The following NXPH1 variants were observed in gnomAD, a reference collection of about 807,000 sequenced individuals.
NXPH1 encodes neurexophilin 1.
In NXPH1, 5 loss-of-function variants were observed where a neutral mutation model predicts 23.7. The ratio of observed to expected loss-of-function variants is 0.21; its 90% CI spans 0.11 to 0.44. The LOEUF (loss-of-function observed/expected upper bound fraction) is 0.44, where lower values mean the gene tolerates loss of function less well. NXPH1 is among the 20% of genes least tolerant of loss of function. The pLI, the probability that NXPH1 is intolerant of heterozygous loss-of-function variation, is 0.99. For synonymous variants in NXPH1, 144 were observed against 122.2 expected (o/e 1.18, Z -1.18); for missense variants, 324 against 321.6 (o/e 1.01, Z -0.06).
intron 2 of NXPH1, among the ~76,000 whole-genome samples, chr7:8,485,109 G>C (rs1817137157): frequency 6.6e-6 from 1 of 152,120 alleles, no homozygotes; most frequent in Admixed American, 6.5e-5. Context: ...TGTCATGGGA[G>C]GGACCCGGTG....
intron 2 of NXPH1, among the ~76,000 whole-genome samples, chr7:8,497,019 A>T (rs1162429485): frequency 6.6e-6 from 1 of 151,632 alleles, no homozygotes; most frequent in African/African-American, 2.4e-5. Context: ...CCCTCCCCTT[A>T]CCCCATGACA....
At position 8,711,279 on chromosome 7, in the gene NXPH1, G is replaced by A. The variant is rs189309442; in HGVS notation, c.55-39729G>A. ...ATTTGGTTCTCTTTGTTCTTACTTT[G>A]TTTTCTTTTTGAAGTCAGTAACATA... On this transcript the variant is annotated intron_variant, in intron 2 of 2. Transcript: ENST00000405863. 5.2e-3 allele frequency among the ~76,000 whole-genome samples: 795 copies of A among 152,094 alleles called. 1 individual carries two copies. Among genetic ancestry groups the A allele is most frequent in the Non-Finnish European group, 8.4e-3 (570 of 67,964 alleles).
At chr7:8,614,852 T>C (rs1819701428) in intron 2 of NXPH1, among the ~76,000 whole-genome samples, 1 of 152,082 alleles carries the variant, frequency 6.6e-6, no homozygotes, top group Admixed American at 6.6e-5. Context: ...TTATTGTTCT[T>C]ATTGAACATC....
At chr7:8,467,486 T>A (rs767102493) in intron 2 of NXPH1, among the ~76,000 whole-genome samples, 2 of 152,208 alleles carry the variant, frequency 1.3e-5, no homozygotes, top group African/African-American at 2.4e-5. Flanking sequence ...GTTTCCCTAA[T>A]CTTCTTTCAG....
At chr7:8,578,068 A>G (rs1346729131) in intron 2 of NXPH1, among the ~76,000 whole-genome samples, 1 of 152,166 alleles carries the variant, frequency 6.6e-6, no homozygotes, top group Admixed American at 6.5e-5. Flanking sequence ...ACGTTGAAAG[A>G]TAATCAATGT....
intron 2 of NXPH1, among the ~76,000 whole-genome samples, chr7:8,640,724 G>T (rs1820294628): frequency 6.6e-6 from 1 of 152,124 alleles, no homozygotes; most frequent in Non-Finnish European, 1.5e-5. Context: ...GGGAGGTCAA[G>T]GCAGGAGGAC....
intron 2 of NXPH1, among the ~76,000 whole-genome samples, chr7:8,541,652 A>G (rs1221600404): frequency 2.0e-5 from 3 of 151,700 alleles, no homozygotes; most frequent in East Asian, 1.9e-4. Context: ...GCTTAAACCA[A>G]AACAATCACA....
At chr7:8,747,498 C>T (rs547799243) in intron 2 of NXPH1, among the ~76,000 whole-genome samples, 2 of 152,274 alleles carry the variant, frequency 1.3e-5, no homozygotes, top group East Asian at 3.9e-4. Context: ...GCTTCATTAG[C>T]CAGTGCATCA....
At position 8,531,606 on chromosome 7, in the gene NXPH1, C is replaced by T. The variant is rs114274574; in HGVS notation, c.54+95839C>T. ...GAGCATTTTTTTGCTTGTTTATTGT[C>T]TGACTTCCCCCACTGGAATGTGACA... On this transcript the variant is annotated intron_variant, in intron 2 of 2. Coordinates refer to ENST00000405863, the MANE Select transcript of NXPH1 (RefSeq NM_152745.3). 4.2e-3 allele frequency among the ~76,000 whole-genome samples: 645 copies of T among 152,248 alleles called. 6 individuals are homozygous for T. The highest frequency in any genetic ancestry group is 0.015 in the African/African-American group (626 of 41,564).
intron 2 of NXPH1, among the ~76,000 whole-genome samples, chr7:8,604,638 TA>T (rs1819442768): frequency 6.6e-6 from 1 of 152,270 alleles, no homozygotes; most frequent in East Asian, 1.9e-4. Context: ...TTAGAATCTA[TA>T]ATATTTTATC....
intron 2 of NXPH1, among the ~76,000 whole-genome samples, chr7:8,505,415 T>A (rs1817506624): frequency 6.6e-6 from 1 of 152,046 alleles, no homozygotes; most frequent in Non-Finnish European, 1.5e-5. Context: ...GACTGGCCAA[T>A]ATAGTCATTT....
intron 2 of NXPH1, among the ~76,000 whole-genome samples, chr7:8,654,123 T>A (rs1166406038): frequency 2.6e-5 from 4 of 152,178 alleles, no homozygotes; most frequent in South Asian, 4.1e-4. Context: ...TTTGAAAAAC[T>A]CTTCATTGCT....
chr7:8,739,193 A>C (rs1037290022), intron 2 of NXPH1, among the ~76,000 whole-genome samples: 11 of 148,724 alleles, frequency 7.4e-5, no homozygotes, highest in Non-Finnish European at 1.3e-4. Flanking sequence ...AAAAAAAAAA[A>C]AAAAAAAAAA....
At chr7:8,734,971 T>C (rs1156667805) in intron 2 of NXPH1, among the ~76,000 whole-genome samples, 1 of 152,222 alleles carries the variant, frequency 6.6e-6, no homozygotes, top group South Asian at 2.1e-4. Context: ...AAAATGCTTG[T>C]GATTTTTGCA....
intron 2 of NXPH1, among the ~76,000 whole-genome samples, chr7:8,517,511 G>C (rs1817705360): frequency 6.6e-6 from 1 of 152,140 alleles, no homozygotes. Flanking sequence ...AAGAAGTGGA[G>C]TCTGGAGTGA....
At chr7:8,729,468 TGG>T (rs1780112877) in intron 2 of NXPH1, among the ~76,000 whole-genome samples, 1 of 140,108 alleles carries the variant, frequency 7.1e-6, no homozygotes, top group Non-Finnish European at 1.5e-5. Flanking sequence ...CTTTCTCTTG[TGG>T]GCATTTAGTG....
At chr7:8,609,365 A>G (rs571311689) in intron 2 of NXPH1, among the ~76,000 whole-genome samples, 1 of 152,204 alleles carries the variant, frequency 6.6e-6, no homozygotes, top group Non-Finnish European at 1.5e-5. Context: ...GAATATAACA[A>G]TCAAGAAACA....
chr7:8,526,799 A>G (rs1817868539), intron 2 of NXPH1, among the ~76,000 whole-genome samples: 1 of 152,178 alleles, frequency 6.6e-6, no homozygotes, highest in African/African-American at 2.4e-5. Context: ...TCTAAGTCCA[A>G]TTAAACCTCT....
At chr7:8,682,536 C>A (rs1447069757) in intron 2 of NXPH1, among the ~76,000 whole-genome samples, 1 of 152,134 alleles carries the variant, frequency 6.6e-6, no homozygotes, top group Non-Finnish European at 1.5e-5. Flanking sequence ...AAAGGTCATA[C>A]AAATAAGAGG....
Sources: gnomAD v4.1 joint callset for allele counts (sites outside exome capture counted in the v4.1 genomes callset) on GRCh38, gnomAD v4.1.1 for gene constraint, MANE v1.5 for transcripts, NCBI Gene and HGNC (gene_info 2026-07-23, HGNC 2026-07-21) for gene names.